NEXN: variants seen among roughly 807,000 people sequenced by gnomAD.
NEXN encodes the protein nexilin.
A neutral mutation model predicts 92.6 loss-of-function variants in NEXN; 65 were observed. The observed-to-expected ratio is 0.70, with a 90% CI of 0.57 to 0.86. The LOEUF (loss-of-function observed/expected upper bound fraction) is 0.86. NEXN is among the 40% of genes least tolerant of loss of function. NEXN has a pLI of 0.00. For missense variants in NEXN, 778 were observed against 771.1 expected (o/e 1.01, Z -0.11); for synonymous variants, 254 against 242.5 (o/e 1.05, Z -0.44).
intron 9 of NEXN, among the ~76,000 whole-genome samples, chr1:77,930,110 A>G (rs1421876260): frequency 1.3e-5 from 2 of 152,196 alleles, no homozygotes; most frequent in African/African-American, 4.8e-5. Context: ...TTTTGAAGCA[A>G]TTTGAGACTA....
intron 2 of NEXN, 32 bp downstream of exon 2, chr1:77,916,165 G>A (rs747831758): frequency 6.4e-7 from 1 of 1,553,550 alleles, no homozygotes; most frequent in South Asian, 1.1e-5. Context: ...AAAAATAAAA[G>A]AGGGAAATGT....
At chr1:77,925,418 A>G (rs1175704916) in intron 6 of NEXN, among the ~76,000 whole-genome samples, 189 bp downstream of exon 6, 1 of 152,188 alleles carries the variant, frequency 6.6e-6, no homozygotes, top group African/African-American at 2.4e-5. Flanking sequence ...TAGTGTTTTT[A>G]AAGAAAAGTA....
chr1:77,916,192 T>C, intron 2 of NEXN, 59 bp downstream of exon 2: 1 of 1,357,128 alleles, frequency 7.4e-7, no homozygotes, highest in African/African-American at 1.4e-5. Context: ...GACTGTAGAA[T>C]TGCTGAAAGG....
At chr1:77,928,977 C>A (rs1401669933) in intron 8 of NEXN, among the ~76,000 whole-genome samples, 1 of 152,158 alleles carries the variant, frequency 6.6e-6, no homozygotes, top group Non-Finnish European at 1.5e-5. Flanking sequence ...GTCTTGAACT[C>A]CTGGGTTCAA....
intron 1 of NEXN, among the ~76,000 whole-genome samples, chr1:77,911,374 C>T (rs1648562877): frequency 6.6e-6 from 1 of 152,164 alleles, no homozygotes; most frequent in South Asian, 2.1e-4. Flanking sequence ...GGTGGATTAC[C>T]TGAGGTCAGG....
In NEXN at chr1:77,903,857, C is replaced by T. The variant is rs1001917659; in HGVS notation, c.-52-12198C>T. On this transcript the variant is annotated intron_variant, in intron 1 of 12. Coordinates refer to ENST00000334785, the MANE Select transcript of NEXN (RefSeq NM_144573.4). ...GGAGGATTGCTTGAGCCCAGGAGGT[C>T]GAAGCTACTGTGAGCTGTGATTGCA... Among the ~76,000 whole-genome samples, 5 of 151,908 alleles carry T rather than the reference C, an allele frequency of 3.3e-5. No individual in the cohort carries two copies. In the South Asian group the frequency reaches 6.2e-4, roughly 19 times the overall value.
At position 77,935,960 on chromosome 1, in the gene NEXN, AC is replaced by A; in HGVS notation, c.1390del (p.Gln464ArgfsTer4). ...KIGQLSEKEI[Q>X]KKIEEERARR... Reference sequence around the variant, plus strand: ...TTGGACAGTTGTCTGAAAAAGAAATACAGAAAAAAATAGAAGAAGAGCGAGC... The same window carrying A: ...TTGGACAGTTGTCTGAAAAAGAAATAAGAAAAAAATAGAAGAAGAGCGAGC... On this transcript the variant is annotated frameshift_variant, in exon 11 of 13. Coordinates refer to ENST00000334785, the MANE Select transcript of NEXN (RefSeq NM_144573.4). LOFTEE classifies it high-confidence loss of function. 1 of 1,614,036 alleles carries A rather than the reference AC, an allele frequency of 6.2e-7. No homozygotes were observed. Among genetic ancestry groups the A allele is most frequent in the South Asian group, 1.1e-5 (1 of 91,028 alleles).
chr1:77,931,075 G>A (rs556985570), intron 9 of NEXN, among the ~76,000 whole-genome samples: 33 of 152,124 alleles, frequency 2.2e-4, no homozygotes, highest in Non-Finnish European at 3.5e-4. Context: ...TTAATTTTTG[G>A]AGAATAAGCA....
At position 77,943,211 on chromosome 1, in the gene NEXN, C is replaced by T. The variant is rs1383526890; in HGVS notation, c.*382C>T. On this transcript the variant is annotated 3_prime_UTR_variant, in exon 13 of 13. Transcript: ENST00000334785. ...AGACTGTATTTCCCATAGACGTTTA[C>T]AGCAACTATGTTTAAAAAACAAAAA... The T allele has an allele frequency of 9.2e-6, 2 of 217,870 alleles. No individual in the cohort carries two copies. Among genetic ancestry groups the T allele is most frequent in the South Asian group, 6.5e-5 (1 of 15,374 alleles). The allele number at this position is 217,870 out of a possible 1,614,324, so 13.5% of individuals were successfully genotyped here. A position where few individuals can be genotyped will look rare whatever the true frequency, so the allele number is the denominator to read the frequency against.
chr1:77,891,798 C>G (rs1226306801), intron 1 of NEXN, among the ~76,000 whole-genome samples: 1 of 148,226 alleles, frequency 6.7e-6, no homozygotes, highest in Non-Finnish European at 1.5e-5. Context: ...ACTTTTGGGG[C>G]TGGGTGTGGT....
intron 5 of NEXN, 53 bp from the exon 6 acceptor site, chr1:77,925,135 G>A: frequency 1.6e-6 from 2 of 1,252,230 alleles, no homozygotes; most frequent in Non-Finnish European, 2.3e-6. Context: ...TTGTTTAAAA[G>A]CAAAAAGTAG....
chr1:77,908,799 A>C (rs373242374), intron 1 of NEXN, among the ~76,000 whole-genome samples: 1 of 152,146 alleles, frequency 6.6e-6, no homozygotes, highest in Non-Finnish European at 1.5e-5. Context: ...AAATTAATCA[A>C]AGTTATTGAT....
rs777015324 is a variant in NEXN, at chr1:77,935,020, A to G, written c.1252-803A>G. On this transcript the variant is annotated intron_variant, in intron 10 of 12. Transcript: ENST00000334785. ...TAAGTAACTGGGCAAAAGCCTGCAC[A>G]GTATCAGAGCCAGGACTAGAACTCA... Among the ~76,000 whole-genome samples, 158 of 152,252 alleles carry G rather than the reference A, an allele frequency of 1.0e-3. 1 individual carries two copies. The highest frequency in any genetic ancestry group is 3.1e-3 in the African/African-American group (130 of 41,472).
intron 5 of NEXN, among the ~76,000 whole-genome samples, chr1:77,924,669 T>TTTTTTTC (rs1649714349): frequency 1.3e-5 from 2 of 151,314 alleles, no homozygotes; most frequent in South Asian, 4.2e-4. Context: ...TTTTTTTTCT[T>TTTTTTTC]TTTTTCTTGA....
At chr1:77,931,072 T>C (rs914337869) in intron 9 of NEXN, among the ~76,000 whole-genome samples, 1 of 151,916 alleles carries the variant, frequency 6.6e-6, no homozygotes, top group African/African-American at 2.4e-5. Context: ...CACTTAATTT[T>C]TGGAGAATAA....
intron 1 of NEXN, among the ~76,000 whole-genome samples, chr1:77,912,891 T>C (rs1216667390): frequency 6.6e-6 from 1 of 152,196 alleles, no homozygotes; most frequent in Non-Finnish European, 1.5e-5. Context: ...GAGTTCACTT[T>C]TTAGCTATGA....
intron 1 of NEXN, among the ~76,000 whole-genome samples, chr1:77,892,916 GA>G (rs1322486446): frequency 1.3e-5 from 2 of 149,742 alleles, no homozygotes; most frequent in Non-Finnish European, 3.0e-5. Context: ...ACCCAGGCTA[GA>G]GTGCAGTGGC....
At chr1:77,928,952 A>G (rs1264664456) in intron 8 of NEXN, among the ~76,000 whole-genome samples, 3 of 152,152 alleles carry the variant, frequency 2.0e-5, no homozygotes, top group Admixed American at 6.5e-5. Context: ...AAGTCTTGCT[A>G]TGTTGCCCAG....
At chr1:77,898,655 A>G (rs1418028288) in intron 1 of NEXN, among the ~76,000 whole-genome samples, 3 of 152,234 alleles carry the variant, frequency 2.0e-5, no homozygotes, top group Non-Finnish European at 4.4e-5. Context: ...GCCAAAATTG[A>G]CAAATGGAAT....
Sources: gnomAD v4.1 joint callset for allele counts (sites outside exome capture counted in the v4.1 genomes callset) on GRCh38, gnomAD v4.1.1 for gene constraint, MANE v1.5 for transcripts, NCBI Gene and HGNC (gene_info 2026-07-23, HGNC 2026-07-21) for gene names.